The following FAM83B variants were observed in gnomAD, a reference collection of about 807,000 sequenced individuals.
FAM83B encodes the protein scaffolding CK1 anchoring protein B.
A neutral mutation model predicts 38.8 loss-of-function variants in FAM83B; 26 were observed. That is an observed-to-expected ratio of 0.67 (90% CI 0.49 to 0.93). The LOEUF (loss-of-function observed/expected upper bound fraction) is 0.93, where lower values mean the gene tolerates loss of function less well. Among genes scored for constraint, FAM83B ranks in the 40% least tolerant of loss-of-function variants. The probability of loss-of-function intolerance (pLI) is 0.00; values close to 1 mark genes in which losing one functional copy is unlikely to be tolerated. For missense variants in FAM83B, 1,237 were observed against 1,197.3 expected (o/e 1.03, Z -0.49); for synonymous variants, 419 against 423.1 (o/e 0.99, Z 0.12).
At chr6:54,874,453 T>G (rs1332813644) in intron 2 of FAM83B, among the ~76,000 whole-genome samples, 1 of 152,190 alleles carries the variant, frequency 6.6e-6, no homozygotes, top group Non-Finnish European at 1.5e-5. Flanking sequence ...GGTCAGACTT[T>G]ACTTTGCAAA....
intron 1 of FAM83B, among the ~76,000 whole-genome samples, chr6:54,862,833 G>A (rs1771616401): frequency 1.3e-5 from 2 of 151,454 alleles, no homozygotes; most frequent in Non-Finnish European, 2.9e-5. Flanking sequence ...GCAGTGAGCC[G>A]AGATCGCGCC....
At chr6:54,846,492 C>T (rs896891865), upstream of FAM83B, among the ~76,000 whole-genome samples, 1 of 152,208 alleles carries the variant, frequency 6.6e-6, no homozygotes, top group African/African-American at 2.4e-5. Context: ...GCCCCGAGGG[C>T]GGGCAGGAAA....
intron 4 of FAM83B, among the ~76,000 whole-genome samples, chr6:54,934,851 T>C (rs1357395553): frequency 6.6e-6 from 1 of 152,156 alleles, no homozygotes; most frequent in Admixed American, 6.6e-5. Context: ...GTAGTACCTT[T>C]TGATCCGATG....
chr6:54,856,913 G>T (rs1207930213), intron 1 of FAM83B, among the ~76,000 whole-genome samples: 1 of 152,078 alleles, frequency 6.6e-6, no homozygotes. Flanking sequence ...TTCCAGGCTA[G>T]ATATATTATT....
At chr6:54,889,584 A>G (rs1772356416) in intron 2 of FAM83B, among the ~76,000 whole-genome samples, 1 of 152,214 alleles carries the variant, frequency 6.6e-6, no homozygotes, top group Non-Finnish European at 1.5e-5. Context: ...ACTTTAAATC[A>G]TCTCTAGATT....
chr6:54,873,626 A>G (rs545305679), intron 2 of FAM83B, among the ~76,000 whole-genome samples: 1 of 150,370 alleles, frequency 6.7e-6, no homozygotes, highest in African/African-American at 2.4e-5. Context: ...TTGTCATGGC[A>G]TTGTAAAGGG....
chr6:54,925,284 G>A (rs1198472285), intron 2 of FAM83B, among the ~76,000 whole-genome samples: 8 of 151,978 alleles, frequency 5.3e-5, no homozygotes, highest in Admixed American at 5.3e-4. Flanking sequence ...AAAACCTATA[G>A]CTTGTTATAT....
intron 2 of FAM83B, among the ~76,000 whole-genome samples, chr6:54,883,083 A>G (rs1383498337): frequency 4.6e-5 from 7 of 151,870 alleles, no homozygotes; most frequent in Admixed American, 6.6e-5. Context: ...GACTACAGGC[A>G]CCCACCACCA....
At position 54,944,287 on chromosome 6, in the gene FAM83B, A is replaced by G. The variant is rs970165981; in HGVS notation, c.*2280A>G. The G allele has an allele frequency of 3.9e-5, 6 of 152,118 alleles. No individual in the cohort carries two copies. Among genetic ancestry groups the G allele is most frequent in the African/African-American group, 1.4e-4 (6 of 41,440 alleles). The allele number at this position is 152,118 out of a possible 1,614,324, so 9.4% of individuals were successfully genotyped here. A position where few individuals can be genotyped will look rare whatever the true frequency, so the allele number is the denominator to read the frequency against. ...ATATACTTTCTGTCTTTTTTTCCCC[A>G]TATTAATATTGGGGGGCGGATAATA... On this transcript the variant is annotated 3_prime_UTR_variant, in exon 5 of 5. Transcript: ENST00000306858.
At chr6:54,932,190 T>G (rs1773436660) in intron 4 of FAM83B, among the ~76,000 whole-genome samples, 1 of 152,044 alleles carries the variant, frequency 6.6e-6, no homozygotes, top group Non-Finnish European at 1.5e-5. Context: ...TTTTGTATTT[T>G]TAGTAGAAAC....
intron 2 of FAM83B, among the ~76,000 whole-genome samples, chr6:54,906,450 G>A (rs1772778347): frequency 6.6e-6 from 1 of 151,996 alleles, no homozygotes; most frequent in East Asian, 1.9e-4. Context: ...GATGGCATGA[G>A]CTCGGCTCAC....
At chr6:54,912,171 A>G (rs1031469428) in intron 2 of FAM83B, among the ~76,000 whole-genome samples, 10 of 152,034 alleles carry the variant, frequency 6.6e-5, no homozygotes, top group Non-Finnish European at 1.5e-4. Context: ...CAAGTGTGAT[A>G]CATAAGGCTG....
intron 1 of FAM83B, among the ~76,000 whole-genome samples, chr6:54,864,948 C>T (rs1361151425): frequency 6.6e-6 from 1 of 152,106 alleles, no homozygotes; most frequent in African/African-American, 2.4e-5. Context: ...AATAAAATTG[C>T]TTAACATTGA....
intron 2 of FAM83B, among the ~76,000 whole-genome samples, chr6:54,914,740 A>T (rs1772996122): frequency 2.0e-5 from 3 of 152,108 alleles, no homozygotes; most frequent in South Asian, 4.1e-4. Context: ...TATTTCTCTA[A>T]GCAGCTATTC....
chr6:54,863,011 A>C (rs796083801), intron 1 of FAM83B, among the ~76,000 whole-genome samples: 4 of 152,314 alleles, frequency 2.6e-5, no homozygotes, highest in African/African-American at 7.2e-5. Context: ...GAAGAAGAGT[A>C]GGAGGCGAGT....
intron 2 of FAM83B, among the ~76,000 whole-genome samples, chr6:54,897,925 G>T (rs995585628): frequency 6.6e-6 from 1 of 152,028 alleles, no homozygotes; most frequent in East Asian, 1.9e-4. Context: ...GAAAATACCC[G>T]AATGAATAAG....
intron 2 of FAM83B, among the ~76,000 whole-genome samples, chr6:54,901,635 C>T (rs930323311): frequency 6.6e-6 from 1 of 151,962 alleles, no homozygotes; most frequent in Non-Finnish European, 1.5e-5. Context: ...ATAAAAGAAA[C>T]AACATAAAGA....
intron 2 of FAM83B, among the ~76,000 whole-genome samples, chr6:54,914,422 A>T (rs1014880311): frequency 6.6e-6 from 1 of 152,026 alleles, no homozygotes; most frequent in African/African-American, 2.4e-5. Context: ...AAACCCAATG[A>T]ATTTGAATTT....
chr6:54,850,964 G>A (rs1484618864), intron 1 of FAM83B, among the ~76,000 whole-genome samples: 2 of 144,746 alleles, frequency 1.4e-5, no homozygotes, highest in African/African-American at 5.1e-5. Context: ...CTTGCAGTGA[G>A]CCCAGGTCGC....
Sources: allele counts gnomAD v4.1 joint callset (sites outside exome capture counted in the v4.1 genomes callset), GRCh38; gene constraint gnomAD v4.1.1; transcripts MANE v1.5; gene names NCBI Gene and HGNC (gene_info 2026-07-23, HGNC 2026-07-21).